The following SHROOM3 variants were observed in gnomAD, a reference collection of about 807,000 sequenced individuals.
The protein encoded by SHROOM3 is shroom family member 3, also known as protein Shroom3.
SHROOM3 carries 47 observed loss-of-function variants against 138.6 expected under a neutral mutation model. That is an observed-to-expected ratio of 0.34 (90% CI 0.27 to 0.43). The LOEUF (loss-of-function observed/expected upper bound fraction) is 0.43. SHROOM3 is among the 20% of genes least tolerant of loss of function. SHROOM3 has a pLI of 1.00. For synonymous variants in SHROOM3, 1,062 were observed against 1,063.3 expected (o/e 1.00, Z 0.02); for missense variants, 2,491 against 2,596.5 (o/e 0.96, Z 0.88).
intron 10 of SHROOM3, among the ~76,000 whole-genome samples, chr4:76,776,307 AT>A (rs1268344480): frequency 6.6e-6 from 1 of 151,458 alleles, no homozygotes; most frequent in African/African-American, 2.4e-5. Flanking sequence ...TTTTGATGGG[AT>A]TTTTTCTTGC....
chr4:76,630,366 G>A (rs146266726), intron 2 of SHROOM3, among the ~76,000 whole-genome samples: 1 of 152,234 alleles, frequency 6.6e-6, no homozygotes, highest in African/African-American at 2.4e-5. Context: ...TGATAACAGA[G>A]AGGTAAAGTC....
At chr4:76,561,923 A>G (rs1433741085) in intron 2 of SHROOM3, among the ~76,000 whole-genome samples, 2 of 152,184 alleles carry the variant, frequency 1.3e-5, no homozygotes, top group Middle Eastern at 3.4e-3. Flanking sequence ...AAGCAGAAGA[A>G]TCGCTTGAAC....
At chr4:76,509,015 G>T (rs1228526128) in intron 1 of SHROOM3, among the ~76,000 whole-genome samples, 1 of 152,108 alleles carries the variant, frequency 6.6e-6, no homozygotes, top group East Asian at 1.9e-4. Context: ...CCATTCATGA[G>T]GTTGGAGTGT....
At chr4:76,525,389 C>T (rs892581598) in intron 1 of SHROOM3, among the ~76,000 whole-genome samples, 9 of 152,302 alleles carry the variant, frequency 5.9e-5, no homozygotes, top group African/African-American at 2.2e-4. Context: ...TAATTATCTC[C>T]ACCTGGTCCC....
In SHROOM3 at chr4:76,495,892, G is replaced by A. The variant is rs559594874; in HGVS notation, c.168+59672G>A. On this transcript the variant is annotated intron_variant, in intron 1 of 10. Transcript: ENST00000296043. Reference sequence around the variant, plus strand: ...AAAACACAGACATAGATGACACAAGGTTGTAGTTCTGGCAGGCGGATGCCA... The same window carrying A: ...AAAACACAGACATAGATGACACAAGATTGTAGTTCTGGCAGGCGGATGCCA... 2.6e-5 allele frequency among the ~76,000 whole-genome samples: 4 copies of A among 152,332 alleles called. No individual in the cohort carries two copies. In the South Asian group the frequency reaches 8.3e-4, roughly 32 times the overall value.
chr4:76,471,983 A>G (rs575084088), intron 1 of SHROOM3, among the ~76,000 whole-genome samples: 9 of 152,306 alleles, frequency 5.9e-5, no homozygotes, highest in African/African-American at 1.9e-4. Flanking sequence ...ACTTACCCTC[A>G]GTAAGTCTAG....
chr4:76,541,638 C>T (rs938142147), intron 1 of SHROOM3, among the ~76,000 whole-genome samples: 1 of 151,980 alleles, frequency 6.6e-6, no homozygotes, highest in African/African-American at 2.4e-5. Flanking sequence ...CACACACACA[C>T]ACACACACAC....
At chr4:76,726,469 G>A (rs888292430) in intron 3 of SHROOM3, among the ~76,000 whole-genome samples, 8 of 141,400 alleles carry the variant, frequency 5.7e-5, no homozygotes, top group Admixed American at 3.8e-4. Flanking sequence ...GCACTCATTC[G>A]CATGCCCCAG....
chr4:76,704,063 C>A (rs763504158), intron 2 of SHROOM3, among the ~76,000 whole-genome samples: 2 of 152,200 alleles, frequency 1.3e-5, no homozygotes, highest in Non-Finnish European at 2.9e-5. Context: ...GAAATCAACT[C>A]AGAGCCTGAT....
At chr4:76,519,847 A>C (rs1380681522) in intron 1 of SHROOM3, among the ~76,000 whole-genome samples, 1 of 152,218 alleles carries the variant, frequency 6.6e-6, no homozygotes, top group Non-Finnish European at 1.5e-5. Flanking sequence ...AATTGGGTGG[A>C]AATGATCAGG....
chr4:76,670,852 T>C (rs901301837), intron 2 of SHROOM3, among the ~76,000 whole-genome samples: 5 of 151,914 alleles, frequency 3.3e-5, no homozygotes, highest in African/African-American at 1.2e-4. Context: ...ACTTGGGAGA[T>C]TGAAGTGGGA....
intron 1 of SHROOM3, among the ~76,000 whole-genome samples, chr4:76,441,264 T>G (rs1407150323): frequency 1.3e-5 from 2 of 151,932 alleles, no homozygotes; most frequent in African/African-American, 4.8e-5. Context: ...TGGCTAATTT[T>G]TTGTATTTTT....
intron 2 of SHROOM3, among the ~76,000 whole-genome samples, chr4:76,694,920 A>T (rs575579437): frequency 2.2e-4 from 34 of 152,318 alleles, no homozygotes; most frequent in Non-Finnish European, 3.8e-4. Context: ...TAGGTTAAAT[A>T]ACTTGCTGAG....
chr4:76,713,263 A>G (rs1040293012), intron 3 of SHROOM3, among the ~76,000 whole-genome samples: 2 of 152,256 alleles, frequency 1.3e-5, no homozygotes, highest in African/African-American at 4.8e-5. Flanking sequence ...AGTTTAGAAC[A>G]CAGACACATT....
chr4:76,677,771 CTT>C (rs1719081979), intron 2 of SHROOM3, among the ~76,000 whole-genome samples: 1 of 152,194 alleles, frequency 6.6e-6, no homozygotes, highest in South Asian at 2.1e-4. Context: ...CCCATCTTAT[CTT>C]TTCGTTTCTA....
At chr4:76,665,883 C>CT (rs140884876) in intron 2 of SHROOM3, among the ~76,000 whole-genome samples, 9,984 of 152,248 alleles carry the variant, frequency 0.066, 486 homozygotes, top group Non-Finnish European at 0.1. Flanking sequence ...GCGTGACATC[C>CT]TGACCCCACG....
At chr4:76,483,304 GA>G (rs1037321233) in intron 1 of SHROOM3, among the ~76,000 whole-genome samples, 24 of 151,858 alleles carry the variant, frequency 1.6e-4, no homozygotes, top group Admixed American at 7.2e-4. Flanking sequence ...AAATTTATAA[GA>G]AAAAAACAAC....
chr4:76,531,878 C>G (rs901674066), intron 1 of SHROOM3, among the ~76,000 whole-genome samples: 36 of 150,106 alleles, frequency 2.4e-4, no homozygotes, highest in Non-Finnish European at 4.7e-4. Context: ...GCCATTGGAA[C>G]AAATTCTAGC....
At chr4:76,670,964 AAAAAT>A (rs1013098298) in intron 2 of SHROOM3, among the ~76,000 whole-genome samples, 46 of 152,192 alleles carry the variant, frequency 3.0e-4, no homozygotes, top group African/African-American at 1.0e-3. Context: ...ATAAATAAAT[AAAAAT>A]AAAAGAGTTC....
Sources: gnomAD v4.1 joint callset for allele counts (sites outside exome capture counted in the v4.1 genomes callset) on GRCh38, gnomAD v4.1.1 for gene constraint, MANE v1.5 for transcripts, NCBI Gene and HGNC (gene_info 2026-07-23, HGNC 2026-07-21) for gene names.